Variants in LGSN observed in about 807,000 individuals in gnomAD.
LGSN encodes the protein lengsin, lens protein with glutamine synthetase domain.
A neutral mutation model predicts 19.5 loss-of-function variants in LGSN; 21 were observed. That is an observed-to-expected ratio of 1.07 (90% CI 0.76 to 1.55). The LOEUF (loss-of-function observed/expected upper bound fraction) is 1.55. LGSN is among the 40% of genes most tolerant of loss of function. The pLI is 0.00. For synonymous variants in LGSN, 257 were observed against 215.6 expected (o/e 1.19, Z -1.68); for missense variants, 673 against 608.5 (o/e 1.11, Z -1.12).
At chr6:63,331,069 G>A in the LGSN span, among the ~76,000 whole-genome samples, 4 of 152,152 alleles carry the variant, frequency 2.6e-5, no homozygotes, top group African/African-American at 9.7e-5. Flanking sequence ...GGACATAACC[G>A]ATAGCCCGGG....
chr6:63,496,695 C>T, the LGSN span, among the ~76,000 whole-genome samples: 6 of 150,798 alleles, frequency 4.0e-5, no homozygotes, highest in Non-Finnish European at 8.8e-5. Flanking sequence ...CTCAGCCATC[C>T]TCCCATCTCA....
At chr6:63,561,000 C>T in the LGSN span, among the ~76,000 whole-genome samples, 1 of 152,116 alleles carries the variant, frequency 6.6e-6, no homozygotes, top group East Asian at 1.9e-4. Flanking sequence ...AATATAAGCC[C>T]AAATGCCAGT....
chr6:63,280,648 G>A lies in LGSN; in HGVS notation c.903C>T (p.Ser301=). The change falls in exon 4 of 4, where the codon AGC becomes AGT. Residue 301 remains serine, a synonymous_variant. Coordinates refer to ENST00000370657, the MANE Select transcript of LGSN (RefSeq NM_016571.3). Reference sequence around the variant, plus strand: ...CACAAAATCCAGTCTCAATGAAGAAGCTGGCAATGTAATTATATTTCCTTG... The same window carrying A: ...CACAAAATCCAGTCTCAATGAAGAAACTGGCAATGTAATTATATTTCCTTG... ...EVARKYNYIA[S]FFIETGFCDS... 1.2e-6 allele frequency: 2 copies of A among 1,614,070 alleles called. No homozygotes were observed. Among genetic ancestry groups the A allele is most frequent in the Non-Finnish European group, 1.7e-6 (2 of 1,180,028 alleles).
the LGSN span, among the ~76,000 whole-genome samples, chr6:63,352,643 TCTCTCTCTCTTC>T: frequency 2.0e-5 from 3 of 151,738 alleles, no homozygotes; most frequent in Admixed American, 2.0e-4. Context: ...TCTGTCTCTC[TCTCTCTCTCTTC>T]CTCTCTCTCT....
At chr6:63,330,151 C>T in the LGSN span, among the ~76,000 whole-genome samples, 1 of 152,188 alleles carries the variant, frequency 6.6e-6, no homozygotes, top group African/African-American at 2.4e-5. Context: ...GTGATTGCCT[C>T]GGCATAGTGG....
the LGSN span, among the ~76,000 whole-genome samples, chr6:63,380,534 T>C: frequency 6.6e-6 from 1 of 152,220 alleles, no homozygotes; most frequent in Non-Finnish European, 1.5e-5. Context: ...TGGAGTCTTA[T>C]GTGATTGACT....
At chr6:63,480,822 GAAAA>G in the LGSN span, among the ~76,000 whole-genome samples, 66,617 of 127,502 alleles carry the variant, frequency 0.52, 17,351 homozygotes, top group Non-Finnish European at 0.61. Context: ...GTCATTATAT[GAAAA>G]AAAAAAAAAA....
the LGSN span, among the ~76,000 whole-genome samples, chr6:63,558,215 A>T: frequency 6.6e-6 from 1 of 152,132 alleles, no homozygotes; most frequent in African/African-American, 2.4e-5. Flanking sequence ...GGGACAAGAC[A>T]AGTCATTGAA....
chr6:63,463,665 T>C, the LGSN span, among the ~76,000 whole-genome samples: 1 of 152,330 alleles, frequency 6.6e-6, no homozygotes, highest in East Asian at 1.9e-4. Context: ...GGAAACCATG[T>C]TGCTGGGAAA....
the LGSN span, among the ~76,000 whole-genome samples, chr6:63,388,545 G>A: frequency 6.6e-6 from 1 of 152,160 alleles, no homozygotes; most frequent in Non-Finnish European, 1.5e-5. Context: ...GAGGGAAAAT[G>A]ATGTGAAGCC....
At chr6:63,501,367 A>AG in the LGSN span, among the ~76,000 whole-genome samples, 1 of 151,730 alleles carries the variant, frequency 6.6e-6, no homozygotes, top group African/African-American at 2.4e-5. Context: ...CGTCTCAAAA[A>AG]AAAAAAAAAA....
intron 1 of LGSN, among the ~76,000 whole-genome samples, chr6:63,312,577 T>C (rs1207560242): frequency 6.6e-6 from 1 of 152,200 alleles, no homozygotes; most frequent in Non-Finnish European, 1.5e-5. Context: ...TAAAAGGCAT[T>C]AATTACTTTA....
At chr6:63,385,764 C>T in the LGSN span, among the ~76,000 whole-genome samples, 43 of 152,298 alleles carry the variant, frequency 2.8e-4, no homozygotes, top group African/African-American at 9.6e-4. Flanking sequence ...TAAATGAAGT[C>T]CAAAGTCAGT....
the LGSN span, among the ~76,000 whole-genome samples, chr6:63,469,502 G>C: frequency 2.0e-5 from 3 of 152,076 alleles, no homozygotes; most frequent in Non-Finnish European, 4.4e-5. Context: ...TGGTGGGGTG[G>C]GGAGTTAAAA....
upstream of LGSN, among the ~76,000 whole-genome samples, chr6:63,323,559 T>TATAC (rs540446460): frequency 2.9e-3 from 388 of 132,830 alleles, 3 homozygotes; most frequent in Admixed American, 6.0e-3. Flanking sequence ...AAACCTCATA[T>TATAC]ACACACACAC....
the LGSN span, among the ~76,000 whole-genome samples, chr6:63,332,911 C>T: frequency 3.3e-5 from 5 of 152,040 alleles, no homozygotes; most frequent in African/African-American, 1.2e-4. Flanking sequence ...GCCACGGACC[C>T]TCGCGGTGAG....
chr6:63,464,551 A>G, the LGSN span, among the ~76,000 whole-genome samples: 1 of 150,222 alleles, frequency 6.7e-6, no homozygotes, highest in Non-Finnish European at 1.5e-5. Flanking sequence ...ATATATATGT[A>G]TATAATGTAT....
the LGSN span, among the ~76,000 whole-genome samples, chr6:63,483,845 G>T: frequency 5.4e-5 from 8 of 149,266 alleles, no homozygotes; most frequent in African/African-American, 1.7e-4. Context: ...TTAAGACAGG[G>T]TCTCACTCTG....
At chr6:63,365,487 C>G in the LGSN span, among the ~76,000 whole-genome samples, 2 of 152,170 alleles carry the variant, frequency 1.3e-5, no homozygotes, top group African/African-American at 4.8e-5. Flanking sequence ...GATGGATTCA[C>G]AGACGAATTC....
Sources: gnomAD v4.1 joint callset for allele counts (sites outside exome capture counted in the v4.1 genomes callset) on GRCh38, gnomAD v4.1.1 for gene constraint, MANE v1.5 for transcripts, NCBI Gene and HGNC (gene_info 2026-07-23, HGNC 2026-07-21) for gene names.